The following DMD variants were observed in gnomAD, a reference collection of about 807,000 sequenced individuals.
DMD encodes the protein dystrophin.
In DMD, 63 loss-of-function variants were observed where a neutral mutation model predicts 330.1. That is an observed-to-expected ratio of 0.19 (90% CI 0.16 to 0.24). The LOEUF is 0.24. Among genes scored for constraint, DMD ranks in the 10% least tolerant of loss-of-function variants. The pLI, the probability that DMD is intolerant of heterozygous loss-of-function variation, is 1.00. For synonymous variants in DMD, 1,223 were observed against 959.8 expected, an observed-to-expected ratio of 1.27 and a Z score of -5.07; for missense variants, 3,344 against 2,684.1, an observed-to-expected ratio of 1.25 and a Z score of -5.43.
At chrX:31,450,994 C>T (rs1026118495) in intron 59 of DMD, among the ~76,000 whole-genome samples, 8 of 111,022 alleles carry the variant, frequency 7.2e-5, no homozygotes, top group Non-Finnish European at 1.3e-4. Flanking sequence ...ACCCAGTGAA[C>T]GAATCTGACT....
At chrX:33,036,667 T>G (rs920834550) in intron 1 of DMD, among the ~76,000 whole-genome samples, 1 of 111,387 alleles carries the variant, frequency 9.0e-6, no homozygotes, top group African/African-American at 3.3e-5. Flanking sequence ...ACCACATTCC[T>G]ACCTGTAATG....
chrX:32,692,298 T>C lies in DMD; in HGVS notation c.960+5572A>G, dbSNP rs770509309. On this transcript the variant is annotated intron_variant, in intron 9 of 78. Coordinates refer to ENST00000357033, the MANE Select transcript of DMD (RefSeq NM_004006.3). ...CAGAAGTCTTCAGTGTACCAATTTATAGAGTTGAGCTAAAACCTAACAATT... is the reference window on the plus strand; with the variant it reads ...CAGAAGTCTTCAGTGTACCAATTTACAGAGTTGAGCTAAAACCTAACAATT... Among the ~76,000 whole-genome samples, 8 of 112,376 alleles carry C rather than the reference T, an allele frequency of 7.1e-5. No homozygotes were observed. The East Asian group carries it at 1.1e-3, about 16-fold the overall frequency.
At chrX:32,818,363 T>C (rs112930599) in intron 5 of DMD, among the ~76,000 whole-genome samples, 1,179 of 111,317 alleles carry the variant, frequency 0.011, 13 homozygotes, top group African/African-American at 0.036. Context: ...TCTACTTAGG[T>C]GCAAATGTTG....
intron 9 of DMD, among the ~76,000 whole-genome samples, chrX:32,691,405 C>G (rs2063273128): frequency 9.1e-6 from 1 of 109,773 alleles, no homozygotes; most frequent in African/African-American, 3.3e-5. Flanking sequence ...AAATGGTCAA[C>G]AGGTGTATGA....
At chrX:31,433,935 T>G (rs2064277115) in intron 60 of DMD, among the ~76,000 whole-genome samples, 1 of 112,252 alleles carries the variant, frequency 8.9e-6, no homozygotes, top group Non-Finnish European at 1.9e-5. Context: ...AACTTAGTTT[T>G]ATGCATTCAT....
At position 31,938,010 on chromosome X, in the gene DMD, G is replaced by A. The variant is rs762131642; in HGVS notation, c.6615-5783C>T. ...TGAAATTAAAGGAAGCACGTATTAC[G>A]ATGGTGAGAGATTTGCATAATCAGA... On this transcript the variant is annotated intron_variant, in intron 45 of 78. Coordinates refer to ENST00000357033, the MANE Select transcript of DMD (RefSeq NM_004006.3). 1.1e-4 allele frequency among the ~76,000 whole-genome samples: 12 copies of A among 111,634 alleles called. No homozygotes were observed. In the South Asian group the frequency reaches 4.5e-3, roughly 42 times the overall value.
chrX:31,952,881 A>G (rs1050820390), intron 45 of DMD, among the ~76,000 whole-genome samples: 3 of 112,235 alleles, frequency 2.7e-5, no homozygotes, highest in Non-Finnish European at 5.6e-5. Flanking sequence ...ACTTGCCTAG[A>G]TGAAATCTGT....
intron 44 of DMD, among the ~76,000 whole-genome samples, chrX:32,042,831 G>GA (rs2096022267): frequency 9.0e-6 from 1 of 111,449 alleles, no homozygotes; most frequent in African/African-American, 3.3e-5. Context: ...CATTCTAGAG[G>GA]AAAAAAGTAA....
intron 78 of DMD, among the ~76,000 whole-genome samples, chrX:31,122,978 C>T (rs1203249533): frequency 9.0e-6 from 1 of 111,594 alleles, no homozygotes; most frequent in Non-Finnish European, 1.9e-5. Context: ...CAAGTATTGT[C>T]TTTGGAACTG....
chrX:31,380,692 A>G (rs2060133060), intron 60 of DMD, among the ~76,000 whole-genome samples: 1 of 110,732 alleles, frequency 9.0e-6, no homozygotes, highest in African/African-American at 3.3e-5. Flanking sequence ...TGCCAAACCC[A>G]TATACTCTCC....
chrX:33,046,348 A>AT (rs1220047365), intron 1 of DMD, among the ~76,000 whole-genome samples: 1 of 110,186 alleles, frequency 9.1e-6, no homozygotes, highest in African/African-American at 3.3e-5. Flanking sequence ...TGATACTGAA[A>AT]TTTTTTTTTC....
intron 44 of DMD, among the ~76,000 whole-genome samples, chrX:32,143,487 A>G (rs1872651841): frequency 9.0e-6 from 1 of 111,008 alleles, no homozygotes; most frequent in Non-Finnish European, 1.9e-5. Flanking sequence ...ATGAACACTA[A>G]TTGTATGCTG....
At chrX:32,689,216 T>A (rs2063098020) in intron 9 of DMD, among the ~76,000 whole-genome samples, 1 of 110,960 alleles carries the variant, frequency 9.0e-6, no homozygotes, top group Non-Finnish European at 1.9e-5. Flanking sequence ...ATCATTTTTT[T>A]AAAAACCTCT....
chrX:32,734,724 C>G (rs929305561), intron 7 of DMD, among the ~76,000 whole-genome samples: 1 of 110,100 alleles, frequency 9.1e-6, no homozygotes, highest in Admixed American at 9.6e-5. Flanking sequence ...ACCCTTCATG[C>G]TAAAAACTCT....
intron 34 of DMD, among the ~76,000 whole-genome samples, chrX:32,366,033 A>G (rs2097853355): frequency 8.9e-6 from 1 of 112,263 alleles, no homozygotes; most frequent in Non-Finnish European, 1.9e-5. Context: ...ATCCAAGTTC[A>G]CAGACCTTAT....
chrX:31,898,265 C>G (rs1425934570), intron 47 of DMD, among the ~76,000 whole-genome samples: 3 of 110,210 alleles, frequency 2.7e-5, no homozygotes, highest in African/African-American at 3.3e-5. Flanking sequence ...TTGGAAAAAA[C>G]TACTTTAAAG....
intron 1 of DMD, among the ~76,000 whole-genome samples, chrX:33,090,151 G>C (rs183957168): frequency 9.1e-6 from 1 of 110,139 alleles, no homozygotes; most frequent in Non-Finnish European, 1.9e-5. Flanking sequence ...AAATGGCTTC[G>C]GAGATACATG....
chrX:31,259,088 TTTA>T (rs1328376158), intron 63 of DMD, among the ~76,000 whole-genome samples: 5 of 112,043 alleles, frequency 4.5e-5, no homozygotes, highest in African/African-American at 1.6e-4. Flanking sequence ...TTGTCTCTTC[TTTA>T]TTGTTAGCCT....
chrX:33,108,468 T>A (rs770517470), intron 1 of DMD, among the ~76,000 whole-genome samples: 1 of 4,478 alleles, frequency 2.2e-4, no homozygotes, highest in African/African-American at 9.2e-4. Flanking sequence ...GGTTTCACTA[T>A]GTTGGCCAGG....
Sources: allele counts gnomAD v4.1 joint callset (sites outside exome capture counted in the v4.1 genomes callset), GRCh38; gene constraint gnomAD v4.1.1; transcripts MANE v1.5; gene names NCBI Gene and HGNC (gene_info 2026-07-23, HGNC 2026-07-21).